The following CDAN1 variants were observed in gnomAD, a reference collection of about 807,000 sequenced individuals.
The protein encoded by CDAN1 is codanin 1, also known as codanin-1.
Under a neutral mutation model 139.8 loss-of-function variants are expected in CDAN1, and 107 were observed. The ratio of observed to expected loss-of-function variants is 0.77; its 90% CI spans 0.65 to 0.90. The LOEUF is 0.90. CDAN1 is among the 40% of genes least tolerant of loss of function. The probability of loss-of-function intolerance (pLI) is 0.00; values close to 1 mark genes in which losing one functional copy is unlikely to be tolerated. For synonymous variants in CDAN1, 776 were observed against 660.6 expected (o/e 1.17, Z -2.68); for missense variants, 1,667 against 1,575.7 (o/e 1.06, Z -0.98).
rs751652343 is a variant in CDAN1 at position 42,731,678 on chromosome 15, G to A, written c.1681C>T (p.Pro561Ser). The change falls in exon 11 of 28, where the codon CCC (proline) becomes TCC (serine). Residue 561 changes from proline to serine, a missense_variant. This residue lies in a region of CDAN1 where 936 missense variants were observed against 844.1 expected (regional missense o/e 1.11). Coordinates refer to ENST00000356231, the MANE Select transcript of CDAN1 (RefSeq NM_138477.4). ...APQSSGGPCP[P>S]PTFPGCQGFF... ...CCTTGACAGCCTGGGAAGGTGGGGG[G>A]TGGGCAGGGCCCCCCACTGCTCTGA... 1 of 1,614,160 alleles carries A rather than the reference G, an allele frequency of 6.2e-7. No homozygotes were observed. Among genetic ancestry groups the A allele is most frequent in the Admixed American group, 1.7e-5 (1 of 60,030 alleles).
rs1365681245 is a variant in CDAN1 at position 42,731,467 on chromosome 15, G to T, written c.1740-136C>A. On this transcript the variant is annotated intron_variant, in intron 11 of 27. Transcript: ENST00000356231. ...CAGGAGCAATGAAATCACCCACGTG[G>T]GTGACAGAATGAGAAGTGCAATGAA... 6.2e-6 allele frequency: 9 copies of T among 1,442,238 alleles called. No individual in the cohort carries two copies. In the Admixed American group the frequency reaches 8.5e-5, roughly 14 times the overall value. 89.3% of individuals were successfully genotyped at this position (1,442,238 alleles called of 1,614,324 possible).
Position 42,725,627 on chromosome 15 carries a change from C to A in CDAN1, c.3312G>T (p.Arg1104Ser). The change falls in exon 26 of 28, where the codon AGG becomes AGT. Residue 1104 changes from arginine (R) to serine (S), a missense_variant. Transcript: ENST00000356231. ...GCCTTCGAGCCTGCCCTCTCTCCAG[C>A]CTGTACTGTGCCGGGGGCCCTAGGA... ...IPILGPPAQY[R>S]LERGQARRLL... 1 of 1,614,130 alleles carries A rather than the reference C, an allele frequency of 6.2e-7. No individual in the cohort carries two copies. The highest frequency in any genetic ancestry group is 1.3e-5 in the African/African-American group (1 of 75,024).
chr15:42,724,354 C>A lies in CDAN1; in HGVS notation c.*137G>T, dbSNP rs2061495213. 1 of 1,188,530 alleles carries A rather than the reference C, an allele frequency of 8.4e-7. No homozygotes were observed. Among genetic ancestry groups the A allele is most frequent in the Non-Finnish European group, 1.2e-6 (1 of 833,486 alleles). The allele number at this position is 1,188,530 out of a possible 1,614,324, so 73.6% of individuals were successfully genotyped here. Reference sequence around the variant, plus strand: ...CGTGGTGGGATGCCAGGCAGTGACACCCTTAGAGCAGGAAGTCTGACTGTA... The same window carrying A: ...CGTGGTGGGATGCCAGGCAGTGACAACCTTAGAGCAGGAAGTCTGACTGTA... On this transcript the variant is annotated 3_prime_UTR_variant, in exon 28 of 28. Transcript: ENST00000356231.
In CDAN1 at chr15:42,730,674, G is replaced by C; in HGVS notation, c.2098C>G (p.Leu700Val). The C allele has an allele frequency of 1.2e-6, 2 of 1,614,152 alleles. No individual in the cohort carries two copies. The highest frequency in any genetic ancestry group is 1.7e-6 in the Non-Finnish European group (2 of 1,180,020). The change falls in exon 14 of 28, where the codon CTC becomes GTC. Residue 700 changes from leucine to valine, a missense_variant. Around this residue, in one of 3 missense-constraint regions of CDAN1, gnomAD observed 936 missense variants for 844.1 expected, o/e 1.11. Coordinates refer to ENST00000356231, the MANE Select transcript of CDAN1 (RefSeq NM_138477.4). ...GGAACAACATGGTCAGCAAAGGAGA[G>C]AAACTCCACCAGCCAGGGCACGGTG... Reference protein sequence around the residue: ...VLTVPWLVEFLSFADHVVPLL... With the variant: ...VLTVPWLVEFVSFADHVVPLL...
In CDAN1 at chr15:42,724,955, C is replaced by T. The variant is rs189289641; in HGVS notation, c.3558+189G>A. On this transcript the variant is annotated intron_variant, in intron 27 of 27. Transcript: ENST00000356231. ...TGCTGCTTTCCAACTAACTGCCTGC[C>T]TTTCGTCCGTCTTCCCACTAACACA... The T allele has an allele frequency of 3.3e-5, 22 of 663,498 alleles. No homozygotes were observed. In the East Asian group the frequency reaches 4.1e-4, roughly 12 times the overall value. 41.1% of individuals were successfully genotyped at this position (663,498 alleles called of 1,614,324 possible).
In CDAN1 at chr15:42,729,118, G is replaced by A. The variant is rs141950748; in HGVS notation, c.2550C>T (p.Leu850=). The change falls in exon 19 of 28, where the codon CTC becomes CTT. Residue 850 remains leucine, a synonymous_variant. Coordinates refer to ENST00000356231, the MANE Select transcript of CDAN1 (RefSeq NM_138477.4). Reference sequence around the variant, plus strand: ...GCTGGTTGTGGAAAAAGGCCTGGGCGAGCTGTGCCTGGGGGGAGGAGGGAG... The same window carrying A: ...GCTGGTTGTGGAAAAAGGCCTGGGCAAGCTGTGCCTGGGGGGAGGAGGGAG... The part of the protein sequence containing the change: ...SQTSQGLQAQ[L]AQAFFHNQPP... The A allele has an allele frequency of 2.7e-5, 43 of 1,614,052 alleles. No homozygotes were observed. The highest frequency in any genetic ancestry group is 2.3e-4 in the African/African-American group (17 of 74,906).
intron 9 of CDAN1, among the ~76,000 whole-genome samples, chr15:42,732,742 A>G (rs2140494611): frequency 6.6e-6 from 1 of 152,336 alleles, no homozygotes; most frequent in Non-Finnish European, 1.5e-5. Flanking sequence ...ATCTACCTGC[A>G]CAGTGACCAG....
intron 14 of CDAN1, 99 bp from the exon 15 acceptor site, chr15:42,730,314 AAG>A (rs1216172606): frequency 4.9e-5 from 57 of 1,153,796 alleles, no homozygotes; most frequent in Non-Finnish European, 6.9e-5. Context: ...GCAGAACTAA[AAG>A]GGACTGGGGC....
Position 42,736,311 on chromosome 15 carries a change from C to T in CDAN1, c.560G>A (p.Gly187Asp), listed in dbSNP as rs775237635. ...EFPPVGSVPP[G>D]PTGTKPSRRI... ...GAGAGCTGAGTCTCACCCTGTAGGG[C>T]CGGGGGGAACCGAGCCTACGGGAGG... is the stretch of plus-strand genomic sequence containing the variant. The change falls in exon 2 of 28, where the codon GGC becomes GAC. Residue 187 changes from glycine to aspartate, a missense_variant. Gly to Asp is a moderately conservative substitution (Grantham distance 94). This residue lies in a region of CDAN1 where 487 missense variants were observed against 422.2 expected (regional missense o/e 1.15). Transcript: ENST00000356231. 1 of 1,613,670 alleles carries T rather than the reference C, an allele frequency of 6.2e-7. No homozygotes were observed. The highest frequency in any genetic ancestry group is 1.1e-5 in the South Asian group (1 of 91,068).
intron 25 of CDAN1, 97 bp downstream of exon 25, chr15:42,726,000 A>AG (rs1491173269): frequency 3.6e-6 from 3 of 823,406 alleles, no homozygotes; most frequent in African/African-American, 3.6e-5. Flanking sequence ...AAAAAAAAAA[A>AG]GGGACAGAAG....
At chr15:42,727,881 C>G in intron 22 of CDAN1, 74 bp downstream of exon 22, 4 of 1,599,624 alleles carry the variant, frequency 2.5e-6, no homozygotes, top group Non-Finnish European at 2.6e-6. Flanking sequence ...CCATCGCCCA[C>G]AAGATGCCTC....
chr15:42,732,454 G>A, intron 9 of CDAN1, 46 bp from the exon 10 acceptor site: 3 of 1,562,596 alleles, frequency 1.9e-6, no homozygotes, highest in Non-Finnish European at 1.8e-6. Context: ...AGGAGGGAGA[G>A]GGAGAAAGAT....
chr15:42,731,839 G>A lies in CDAN1; in HGVS notation c.1534-14C>T. Reference sequence around the variant, plus strand: ...GCTCTGACACATCTAGGGTGGAAGAGGAAGGAGAGAAATTAAAAAAATCAG... The same window carrying A: ...GCTCTGACACATCTAGGGTGGAAGAAGAAGGAGAGAAATTAAAAAAATCAG... On this transcript the variant is annotated splice_polypyrimidine_tract_variant and intron_variant, in intron 10 of 27. Coordinates refer to ENST00000356231, the MANE Select transcript of CDAN1 (RefSeq NM_138477.4). The A allele has an allele frequency of 5.6e-6, 9 of 1,613,242 alleles. No homozygotes were observed. Among genetic ancestry groups the A allele is most frequent in the Non-Finnish European group, 7.6e-6 (9 of 1,179,352 alleles).
chr15:42,727,580 G>C (rs1030736553), intron 23 of CDAN1, 41 bp downstream of exon 23: 4 of 1,491,750 alleles, frequency 2.7e-6, no homozygotes, highest in Non-Finnish European at 3.6e-6. Context: ...GAGCAGGGGG[G>C]TGGGAGCAGG....
In CDAN1 at chr15:42,726,401, G is replaced by A. The variant is rs766862847; in HGVS notation, c.3113C>T (p.Ala1038Val). ...ISEIKDVLSLAVGPRDPDEGV... is the reference protein window; with the variant it reads ...ISEIKDVLSLVVGPRDPDEGV... ...CTCGTCAGGGTCCCGTGGCCCCACG[G>A]CCAAGGAGAGCACGTCCTGTGAAGA... is the stretch of plus-strand genomic sequence containing the variant. The change falls in exon 24 of 28, where the codon GCC (alanine) becomes GTC (valine). Residue 1038 changes from alanine (A) to valine (V), a missense_variant. This residue lies in a region of CDAN1 where 936 missense variants were observed against 844.1 expected (regional missense o/e 1.11). Transcript: ENST00000356231. 1.9e-6 allele frequency: 3 copies of A among 1,594,858 alleles called. No individual in the cohort carries two copies. The highest frequency in any genetic ancestry group is 1.1e-5 in the South Asian group (1 of 87,786).
chr15:42,725,311 A>G (rs545478977), intron 26 of CDAN1, 60 bp from the exon 27 acceptor site: 3 of 1,542,408 alleles, frequency 1.9e-6, no homozygotes, highest in Non-Finnish European at 2.7e-6. Context: ...CTGATGACAG[A>G]GATTGAGATC....
intron 16 of CDAN1, 70 bp downstream of exon 16, chr15:42,729,726 G>A: frequency 6.3e-7 from 1 of 1,589,204 alleles, no homozygotes; most frequent in Non-Finnish European, 8.6e-7. Context: ...CCCCTGGCTG[G>A]GCCTCCCCAG....
intron 26 of CDAN1, 51 bp from the exon 27 acceptor site, chr15:42,725,302 T>C: frequency 6.4e-7 from 1 of 1,560,622 alleles, no homozygotes; most frequent in African/African-American, 1.4e-5. Context: ...AGAGTGACCC[T>C]GATGACAGAG....
intron 7 of CDAN1, 53 bp from the exon 8 acceptor site, chr15:42,734,100 T>G: frequency 6.3e-7 from 1 of 1,594,676 alleles, no homozygotes; most frequent in Non-Finnish European, 8.6e-7. Context: ...AGAAAACTTC[T>G]CCCTCTTATT....
Sources: allele counts gnomAD v4.1 joint callset (sites outside exome capture counted in the v4.1 genomes callset), GRCh38; gene constraint gnomAD v4.1.1; regional missense constraint gnomAD v4.1.1; transcripts MANE v1.5; gene names NCBI Gene and HGNC (gene_info 2026-07-23, HGNC 2026-07-21).